Variants in IFT46 observed in about 807,000 individuals in gnomAD.
IFT46 encodes the protein intraflagellar transport 46, also known as intraflagellar transport protein 46 homolog.
Under a neutral mutation model 39.6 loss-of-function variants are expected in IFT46, and 19 were observed. The ratio of observed to expected loss-of-function variants is 0.48; its 90% CI spans 0.33 to 0.70. The LOEUF (loss-of-function observed/expected upper bound fraction) is 0.70. Ranked by LOEUF, IFT46 falls within the 30% of genes least tolerant of loss-of-function variation. The probability of loss-of-function intolerance (pLI) is 0.01; values close to 1 mark genes in which losing one functional copy is unlikely to be tolerated. For synonymous variants in IFT46, 117 were observed against 134.8 expected (o/e 0.87, Z 0.91); for missense variants, 334 against 364.8 (o/e 0.92, Z 0.69).
chr11:118,572,351 C>CCCCCCCCCCCCCCCCCCCCCT lies in IFT46; in HGVS notation c.-133+244_-133+245insAGGGGGGGGGGGGGGGGGGGG. ...ATTTCCCCAGCCCACAGGCCCCGCC[C>CCCCCCCCCCCCCCCCCCCCCT]CCCCCCCCGCCCTTTGACCTGCGCC... On this transcript the variant is annotated intron_variant, in intron 1 of 5. Transcript: ENST00000528378. 1.5e-5 allele frequency: 2 copies of CCCCCCCCCCCCCCCCCCCCCT among 136,074 alleles called. 1 individual carries two copies. The highest frequency in any genetic ancestry group is 5.4e-4 in the South Asian group (2 of 3,738). 8.4% of individuals were successfully genotyped at this position (136,074 alleles called of 1,614,324 possible).
upstream of IFT46, among the ~76,000 whole-genome samples, chr11:118,575,071 C>T (rs919798688): frequency 3.3e-5 from 5 of 152,140 alleles, no homozygotes; most frequent in African/African-American, 9.7e-5. Flanking sequence ...TTCTGCCTCC[C>T]GGGTTCAAGC....
chr11:118,572,702 G>A, exon 1 of IFT46: 1 of 886,848 alleles, frequency 1.1e-6, no homozygotes, highest in Non-Finnish European at 1.7e-6. Context: ...GTGGCCTCCT[G>A]TGCCCGGTCT....
At chr11:118,552,674 T>G (rs1190035193) in intron 7 of IFT46, among the ~76,000 whole-genome samples, 1 of 152,010 alleles carries the variant, frequency 6.6e-6, no homozygotes, top group Non-Finnish European at 1.5e-5. Flanking sequence ...GTGCCTGTGG[T>G]CTCAGCTACT....
At chr11:118,556,235 T>TA (rs1937828432) in intron 4 of IFT46, among the ~76,000 whole-genome samples, 1 of 152,146 alleles carries the variant, frequency 6.6e-6, no homozygotes, top group South Asian at 2.1e-4. Context: ...CTCACGCCTG[T>TA]AATCCCAGCA....
At chr11:118,562,484 A>C (rs1938093103) in intron 2 of IFT46, among the ~76,000 whole-genome samples, 1 of 152,198 alleles carries the variant, frequency 6.6e-6, no homozygotes, top group Non-Finnish European at 1.5e-5. Flanking sequence ...ATTAGATGTA[A>C]GGCATTAACT....
intron 7 of IFT46, among the ~76,000 whole-genome samples, chr11:118,553,439 CAA>C (rs34453997): frequency 1.5e-3 from 138 of 89,774 alleles, no homozygotes; most frequent in African/African-American, 3.6e-3. Context: ...AAAACTGTCT[CAA>C]AAAAAAAAAA....
chr11:118,567,073 T>G (rs1938241902), upstream of IFT46, among the ~76,000 whole-genome samples: 2 of 151,684 alleles, frequency 1.3e-5, no homozygotes, highest in African/African-American at 4.8e-5. Context: ...CCCCCTCCAC[T>G]CTATTAAAAA....
rs1937995044 is a variant in IFT46 at position 118,560,254 on chromosome 11, A to G, written c.-35-390T>C. 3 of 177,266 alleles carry G rather than the reference A, an allele frequency of 1.7e-5. No homozygotes were observed. In the South Asian group the frequency reaches 4.1e-4, roughly 24 times the overall value. The allele number at this position is 177,266 out of a possible 1,614,324, so 11.0% of individuals were successfully genotyped here. ...ATGGCAAGATCCCATCTACAAAAAA[A>G]AAAAAAGAAAAAAAATTAGCTGGGT... On this transcript the variant is annotated intron_variant, in intron 2 of 11. Coordinates refer to ENST00000264021, the MANE Select transcript of IFT46 (RefSeq NM_001168618.2).
intron 9 of IFT46, among the ~76,000 whole-genome samples, chr11:118,549,775 G>A (rs564789961): frequency 3.3e-5 from 5 of 150,956 alleles, no homozygotes; most frequent in South Asian, 2.1e-4. Flanking sequence ...AGCCCGCCTC[G>A]GCCTCCCAAA....
intron 9 of IFT46, 25 bp downstream of exon 9, chr11:118,551,761 C>T (rs1406210374): frequency 1.3e-6 from 2 of 1,590,090 alleles, no homozygotes; most frequent in Non-Finnish European, 1.7e-6. Flanking sequence ...CTTTCTTACC[C>T]TACCTCCTGC....
upstream of IFT46, among the ~76,000 whole-genome samples, chr11:118,576,452 A>G (rs1374305224): frequency 7.1e-6 from 1 of 139,932 alleles, no homozygotes; most frequent in African/African-American, 2.6e-5. Flanking sequence ...AAAAAAAACC[A>G]AAAACTTTGT....
At chr11:118,565,115 T>C (rs1301420359) in intron 1 of IFT46, 54 bp from the exon 2 acceptor site, 2 of 152,470 alleles carry the variant, frequency 1.3e-5, no homozygotes, top group African/African-American at 4.8e-5. Flanking sequence ...TAAAGCACTC[T>C]GCCAGGAGGT....
At chr11:118,563,465 C>G (rs1262983029) in intron 2 of IFT46, among the ~76,000 whole-genome samples, 1 of 152,088 alleles carries the variant, frequency 6.6e-6, no homozygotes, top group African/African-American at 2.4e-5. Context: ...AAACAGAAAC[C>G]CTGGATGTCA....
At chr11:118,546,516 A>G (rs1214696336) in intron 9 of IFT46, 2 of 209,358 alleles carry the variant, frequency 9.6e-6, no homozygotes, top group African/African-American at 4.6e-5. Flanking sequence ...GAGGGAGGGA[A>G]TCAACCATGC....
upstream of IFT46, among the ~76,000 whole-genome samples, chr11:118,574,694 T>A (rs1383024414): frequency 6.6e-6 from 1 of 152,076 alleles, no homozygotes; most frequent in Non-Finnish European, 1.5e-5. Context: ...AGTGAACAAA[T>A]GCAGAAACAA....
At chr11:118,545,062 T>G in intron 11 of IFT46, 51 bp from the exon 12 acceptor site, 1 of 1,240,982 alleles carries the variant, frequency 8.1e-7, no homozygotes, top group South Asian at 1.3e-5. Context: ...TGCTAATTGC[T>G]ATATTTTAAC....
chr11:118,572,621 G>A, exon 1 of IFT46: 3 of 1,566,170 alleles, frequency 1.9e-6, no homozygotes, highest in South Asian at 1.2e-5. Context: ...GCGGGCCTGG[G>A]GCAGGGGCCG....
intron 3 of IFT46, chr11:118,557,422 T>C (rs1382738056): frequency 1.5e-5 from 6 of 395,932 alleles, no homozygotes; most frequent in Admixed American, 8.5e-5. Flanking sequence ...TCAGGGAATA[T>C]GAAGTGGGAA....
At position 118,545,780 on chromosome 11, in the gene IFT46, A is replaced by G; in HGVS notation, c.733+13T>C. On this transcript the variant is annotated intron_variant, in intron 10 of 11. Transcript: ENST00000264021. ...TCCAGAGATGGGGACGAGGAAAGGA[A>G]AGAGGAACTCACCACAGATCATGTC... 2 of 1,613,468 alleles carry G rather than the reference A, an allele frequency of 1.2e-6. No homozygotes were observed. Among genetic ancestry groups the G allele is most frequent in the South Asian group, 1.1e-5 (1 of 91,064 alleles).
Sources: allele counts gnomAD v4.1 joint callset (sites outside exome capture counted in the v4.1 genomes callset), GRCh38; gene constraint gnomAD v4.1.1; transcripts MANE v1.5; gene names NCBI Gene and HGNC (gene_info 2026-07-23, HGNC 2026-07-21).